The following SHISAL2A variants were observed in gnomAD, a reference collection of about 807,000 sequenced individuals.
SHISAL2A encodes protein shisa-like-2A.
Under a neutral mutation model 11.5 loss-of-function variants are expected in SHISAL2A, and 18 were observed. That is an observed-to-expected ratio of 1.57 (90% CI 1.08 to 2.33). The LOEUF (loss-of-function observed/expected upper bound fraction) is 2.33. Among genes scored for constraint, SHISAL2A ranks in the 30% most tolerant of loss-of-function variants. The pLI is 0.00. For missense variants in SHISAL2A, 261 were observed against 250.9 expected (o/e 1.04, Z -0.27); for synonymous variants, 94 against 99.6 (o/e 0.94, Z 0.34).
downstream of SHISAL2A, among the ~76,000 whole-genome samples, chr1:52,657,970 T>C (rs1402809783): frequency 6.6e-6 from 1 of 152,236 alleles, no homozygotes; most frequent in Non-Finnish European, 1.5e-5. Context: ...CTCAGTCCCC[T>C]TGCTGGGTTA....
intron 4 of SHISAL2A, among the ~76,000 whole-genome samples, chr1:52,662,841 T>G (rs1218493654): frequency 6.6e-6 from 1 of 152,190 alleles, no homozygotes; most frequent in Non-Finnish European, 1.5e-5. Flanking sequence ...CTCAGGCTAC[T>G]GGAGGAAGAC....
At chr1:52,663,715 T>C (rs1181139717) in intron 4 of SHISAL2A, among the ~76,000 whole-genome samples, 1 of 152,076 alleles carries the variant, frequency 6.6e-6, no homozygotes, top group African/African-American at 2.4e-5. Context: ...GAGCTGAGAC[T>C]GCATCATTGC....
intron 4 of SHISAL2A, among the ~76,000 whole-genome samples, chr1:52,664,082 GTT>G (rs1691959919): frequency 6.6e-6 from 1 of 152,104 alleles, no homozygotes; most frequent in Non-Finnish European, 1.5e-5. Context: ...AAATAGAAGT[GTT>G]TATATAACTA....
intron 2 of SHISAL2A, among the ~76,000 whole-genome samples, chr1:52,650,224 C>T (rs1691597686): frequency 6.6e-6 from 1 of 152,178 alleles, no homozygotes; most frequent in Non-Finnish European, 1.5e-5. Context: ...CTCCTCCAAG[C>T]AGGGGGAAAA....
At chr1:52,664,911 T>A (rs1371834636) in intron 4 of SHISAL2A, among the ~76,000 whole-genome samples, 1 of 152,080 alleles carries the variant, frequency 6.6e-6, no homozygotes, top group Non-Finnish European at 1.5e-5. Flanking sequence ...GCCTCAGCCT[T>A]CTGAGTAGTT....
At chr1:52,664,978 G>A (rs1171346488) in intron 4 of SHISAL2A, among the ~76,000 whole-genome samples, 3 of 152,202 alleles carry the variant, frequency 2.0e-5, no homozygotes, top group African/African-American at 2.4e-5. Flanking sequence ...TAGTAGAGAC[G>A]AGGTTTTGCC....
exon 6 of SHISAL2A, chr1:52,668,908 C>G (rs1387696878): frequency 6.6e-6 from 1 of 152,288 alleles, no homozygotes; most frequent in Non-Finnish European, 1.5e-5. Flanking sequence ...AGGCCTCTGG[C>G]CAAGAGCTTA....
chr1:52,662,005 C>A (rs544311412), downstream of SHISAL2A, among the ~76,000 whole-genome samples: 4 of 151,958 alleles, frequency 2.6e-5, no homozygotes, highest in Admixed American at 1.3e-4. Flanking sequence ...TGCACTCCAG[C>A]CTGGGTGACA....
At chr1:52,658,386 C>T (rs1691840774), downstream of SHISAL2A, among the ~76,000 whole-genome samples, 1 of 152,148 alleles carries the variant, frequency 6.6e-6, no homozygotes, top group South Asian at 2.1e-4. Context: ...CATAGTATTC[C>T]TGCTAAAAGA....
downstream of SHISAL2A, among the ~76,000 whole-genome samples, chr1:52,658,283 G>T (rs545715535): frequency 2.6e-5 from 4 of 152,056 alleles, no homozygotes; most frequent in Non-Finnish European, 5.9e-5. Flanking sequence ...CAAGTGATCC[G>T]CCTGCCTTGG....
At chr1:52,659,873 C>G (rs1691870322), downstream of SHISAL2A, among the ~76,000 whole-genome samples, 1 of 152,180 alleles carries the variant, frequency 6.6e-6, no homozygotes, top group African/African-American at 2.4e-5. Context: ...TGATAATGCC[C>G]TTGCCTTTAG....
intron 2 of SHISAL2A, among the ~76,000 whole-genome samples, chr1:52,650,789 C>T (rs561467170): frequency 5.9e-5 from 9 of 151,616 alleles, no homozygotes; most frequent in African/African-American, 1.9e-4. Context: ...AGGCTACAGG[C>T]ACCTGCCACC....
chr1:52,641,688 T>A (rs1385681325), intron 1 of SHISAL2A, among the ~76,000 whole-genome samples: 1 of 152,062 alleles, frequency 6.6e-6, no homozygotes, highest in Admixed American at 6.5e-5. Flanking sequence ...ATGCTTGTAA[T>A]CCCAACATTT....
At chr1:52,646,875 G>T (rs1458460941) in intron 2 of SHISAL2A, among the ~76,000 whole-genome samples, 1 of 152,044 alleles carries the variant, frequency 6.6e-6, no homozygotes, top group South Asian at 2.1e-4. Flanking sequence ...TGTCGCCCAG[G>T]CTAGAGTGCG....
chr1:52,658,933 G>A (rs1691850839), downstream of SHISAL2A, among the ~76,000 whole-genome samples: 1 of 152,184 alleles, frequency 6.6e-6, no homozygotes, highest in Non-Finnish European at 1.5e-5. Context: ...TACATGATGG[G>A]GTGGCAAGAC....
chr1:52,636,482 T>C (rs1290160838), intron 1 of SHISAL2A, among the ~76,000 whole-genome samples: 1 of 152,194 alleles, frequency 6.6e-6, no homozygotes, highest in Non-Finnish European at 1.5e-5. Flanking sequence ...ATTTGTGTGA[T>C]GGAATTGTAA....
chr1:52,664,946 G>A (rs796326160), intron 4 of SHISAL2A, among the ~76,000 whole-genome samples: 4 of 152,164 alleles, frequency 2.6e-5, no homozygotes, highest in South Asian at 2.1e-4. Flanking sequence ...ACACCACCAC[G>A]CCTAGCTAAT....
chr1:52,655,673 C>G (rs1334546483), intron 2 of SHISAL2A, among the ~76,000 whole-genome samples: 3 of 151,984 alleles, frequency 2.0e-5, no homozygotes, highest in African/African-American at 7.2e-5. Flanking sequence ...GGCAAATAGG[C>G]ACATGAAAAT....
intron 4 of SHISAL2A, among the ~76,000 whole-genome samples, chr1:52,662,077 C>A (rs757631250): frequency 2.0e-5 from 3 of 151,772 alleles, no homozygotes; most frequent in Non-Finnish European, 4.4e-5. Flanking sequence ...GCCCTTCAGG[C>A]CTTACTTACT....
Sources: gnomAD v4.1 joint callset for allele counts (sites outside exome capture counted in the v4.1 genomes callset) on GRCh38, gnomAD v4.1.1 for gene constraint, MANE v1.5 for transcripts, NCBI Gene and HGNC (gene_info 2026-07-23, HGNC 2026-07-21) for gene names.